Variants in SAMTOR observed in about 807,000 individuals in gnomAD.
SAMTOR encodes UPF0532 protein C7orf60.
At chr7:112,923,398 C>G in the SAMTOR span, among the ~76,000 whole-genome samples, 17 of 152,232 alleles carry the variant, frequency 1.1e-4, no homozygotes, top group African/African-American at 4.1e-4. Flanking sequence ...ACTTGTTTAT[C>G]TGCTGACCTT....
the SAMTOR span, among the ~76,000 whole-genome samples, chr7:112,827,679 G>A: frequency 6.6e-6 from 1 of 152,066 alleles, no homozygotes; most frequent in African/African-American, 2.4e-5. Context: ...GCAATGTAAT[G>A]TTATGTAAAT....
chr7:112,929,491 G>T, the SAMTOR span, among the ~76,000 whole-genome samples: 1 of 151,854 alleles, frequency 6.6e-6, no homozygotes, highest in South Asian at 2.1e-4. Flanking sequence ...CTTATGTTGG[G>T]TATGTAAATT....
At chr7:112,923,450 G>C in the SAMTOR span, among the ~76,000 whole-genome samples, 21 of 150,954 alleles carry the variant, frequency 1.4e-4, no homozygotes, top group African/African-American at 3.4e-4. Context: ...TCCCCCTCTG[G>C]GAGAAACACC....
the SAMTOR span, chr7:112,915,223 C>G: frequency 6.5e-6 from 9 of 1,377,292 alleles, no homozygotes; most frequent in African/African-American, 1.5e-5. Context: ...GGTGACAGAG[C>G]AAGACTCCGT....
chr7:112,887,245 C>A, the SAMTOR span, among the ~76,000 whole-genome samples: 1 of 150,672 alleles, frequency 6.6e-6, no homozygotes, highest in South Asian at 2.1e-4. Flanking sequence ...ACAGCCGTAT[C>A]ATCAGGCAAC....
At chr7:112,894,267 A>G in the SAMTOR span, among the ~76,000 whole-genome samples, 1 of 152,106 alleles carries the variant, frequency 6.6e-6, no homozygotes, top group Non-Finnish European at 1.5e-5. Context: ...AACATACATG[A>G]CATTTATTGA....
chr7:112,832,476 G>T, the SAMTOR span: 8 of 767,312 alleles, frequency 1.0e-5, no homozygotes, highest in African/African-American at 1.2e-4. Context: ...AAATACATTT[G>T]CTATTTTAGG....
At chr7:112,917,948 T>A in the SAMTOR span, among the ~76,000 whole-genome samples, 1 of 152,216 alleles carries the variant, frequency 6.6e-6, no homozygotes, top group Non-Finnish European at 1.5e-5. Flanking sequence ...TGAGACTATG[T>A]GAAAAGACCA....
chr7:112,823,721 G>A, the SAMTOR span, among the ~76,000 whole-genome samples: 20 of 152,128 alleles, frequency 1.3e-4, no homozygotes, highest in Non-Finnish European at 2.9e-4. Flanking sequence ...GGTGTAGTAG[G>A]TTTAATTTTT....
At chr7:112,843,606 C>T in the SAMTOR span, among the ~76,000 whole-genome samples, 1 of 151,978 alleles carries the variant, frequency 6.6e-6, no homozygotes, top group East Asian at 1.9e-4. Flanking sequence ...AAATTCATTC[C>T]CTGAACAGAC....
chr7:112,824,957 T>C, the SAMTOR span, among the ~76,000 whole-genome samples: 2 of 152,150 alleles, frequency 1.3e-5, no homozygotes, highest in African/African-American at 4.8e-5. Flanking sequence ...TCCTTTGAAT[T>C]TCCACACAGA....
the SAMTOR span, among the ~76,000 whole-genome samples, chr7:112,907,249 T>C: frequency 4.6e-5 from 7 of 152,046 alleles, no homozygotes; most frequent in African/African-American, 1.7e-4. Context: ...AAAGGTAAAG[T>C]TTTTAATAAA....
chr7:112,868,147 T>C, the SAMTOR span, among the ~76,000 whole-genome samples: 1 of 152,234 alleles, frequency 6.6e-6, no homozygotes, highest in African/African-American at 2.4e-5. Flanking sequence ...GGTTGGGGAC[T>C]GCTGCTCAAG....
chr7:112,824,308 T>G, the SAMTOR span, among the ~76,000 whole-genome samples: 2 of 152,118 alleles, frequency 1.3e-5, no homozygotes, highest in Admixed American at 1.3e-4. Flanking sequence ...AGTTTTATAG[T>G]TTATGGCTTT....
chr7:112,823,363 C>T, the SAMTOR span, among the ~76,000 whole-genome samples: 1 of 152,152 alleles, frequency 6.6e-6, no homozygotes, highest in African/African-American at 2.4e-5. Flanking sequence ...ATCCAACACC[C>T]CATAATTTTC....
At chr7:112,865,272 G>C in the SAMTOR span, among the ~76,000 whole-genome samples, 1 of 151,838 alleles carries the variant, frequency 6.6e-6, no homozygotes, top group East Asian at 1.9e-4. Context: ...AACACAGCAA[G>C]ACCCCCCATC....
At chr7:112,861,668 C>T in the SAMTOR span, among the ~76,000 whole-genome samples, 3 of 152,096 alleles carry the variant, frequency 2.0e-5, no homozygotes, top group East Asian at 5.8e-4. Flanking sequence ...TTCTAATCTG[C>T]TATGCTTGAA....
chr7:112,835,340 G>T, the SAMTOR span, among the ~76,000 whole-genome samples: 3 of 152,046 alleles, frequency 2.0e-5, no homozygotes, highest in African/African-American at 7.2e-5. Context: ...CCACTCTGCT[G>T]AGGACTTCCA....
At chr7:112,882,882 G>A in the SAMTOR span, among the ~76,000 whole-genome samples, 79 of 151,474 alleles carry the variant, frequency 5.2e-4, 3 homozygotes, top group East Asian at 0.011. Context: ...TAAAAAGAAT[G>A]TGAAAACTGA....
Sources: gnomAD v4.1 joint callset for allele counts (sites outside exome capture counted in the v4.1 genomes callset) on GRCh38, gnomAD v4.1.1 for gene constraint, MANE v1.5 for transcripts, NCBI Gene and HGNC (gene_info 2026-07-23, HGNC 2026-07-21) for gene names.